The following HIP1R variants were observed in gnomAD, a reference collection of about 807,000 sequenced individuals.
HIP1R encodes huntingtin interacting protein 1 related.
HIP1R carries 135 observed loss-of-function variants against 144.2 expected under a neutral mutation model. The observed-to-expected ratio is 0.94, with a 90% CI of 0.81 to 1.08. The LOEUF is 1.08. Ranked by LOEUF, HIP1R falls within the 50% of genes least tolerant of loss-of-function variation. The pLI, the probability that HIP1R is intolerant of heterozygous loss-of-function variation, is 0.00. For synonymous variants in HIP1R, 698 were observed against 612.8 expected, an observed-to-expected ratio of 1.14 and a Z score of -2.05; for missense variants, 1,462 against 1,432.8, an observed-to-expected ratio of 1.02 and a Z score of -0.33.
At chr12:122,838,724 T>G (rs956914595) in intron 1 of HIP1R, among the ~76,000 whole-genome samples, 4 of 152,212 alleles carry the variant, frequency 2.6e-5, no homozygotes, top group Admixed American at 6.5e-5. Flanking sequence ...GATGGGGCGA[T>G]TCTCCTGGGC....
At chr12:122,850,125 C>T (rs2033331355) in intron 5 of HIP1R, 170 bp downstream of exon 5, 1 of 701,296 alleles carries the variant, frequency 1.4e-6, no homozygotes, top group Non-Finnish European at 2.6e-6. Flanking sequence ...GCCAGGGCAT[C>T]ACGAAGCTCC....
In HIP1R at chr12:122,855,069, C is replaced by A; in HGVS notation, c.793C>A (p.Arg265Ser). ...EQFHSLRNFF[R>S]RASDMLYFKR... ...TCTCTGCAGCCTCAGGAACTTCTTC[C>A]GCAGAGCCTCCGACATGCTGTACTT... The change falls in exon 10 of 32, where the codon CGC becomes AGC. Residue 265 changes from arginine (R) to serine (S), a missense_variant. Around this residue, in one of 2 missense-constraint regions of HIP1R, gnomAD observed 350 missense variants for 421.1 expected, o/e 0.83. Coordinates refer to ENST00000253083, the MANE Select transcript of HIP1R (RefSeq NM_003959.3). 6.2e-7 allele frequency: 1 copy of A among 1,613,894 alleles called. No individual in the cohort carries two copies. The highest frequency in any genetic ancestry group is 8.5e-7 in the Non-Finnish European group (1 of 1,180,006).
At chr12:122,848,949 G>A in intron 4 of HIP1R, 97 bp downstream of exon 4, 2 of 1,297,674 alleles carry the variant, frequency 1.5e-6, no homozygotes, top group Non-Finnish European at 1.1e-6. Flanking sequence ...GTTCCCTGCG[G>A]GTGGCTGGGT....
rs577461642 is a variant in HIP1R, at chr12:122,860,132, G to A, written c.2497-16G>A. 3.8e-6 allele frequency: 6 copies of A among 1,589,426 alleles called. No individual in the cohort carries two copies. In the East Asian group the frequency reaches 1.3e-4, roughly 36 times the overall value. Reference sequence around the variant, plus strand: ...ACCTGGAGGGCCACCAGTCATTGCTGTCTTGGTCTCGGCAGGCTATCCGGC... The same window carrying A: ...ACCTGGAGGGCCACCAGTCATTGCTATCTTGGTCTCGGCAGGCTATCCGGC... On this transcript the variant is annotated splice_polypyrimidine_tract_variant and intron_variant, in intron 25 of 31. Coordinates refer to ENST00000253083, the MANE Select transcript of HIP1R (RefSeq NM_003959.3).
At position 122,835,563 on chromosome 12, in the gene HIP1R, A is replaced by T; in HGVS notation, c.13A>T (p.Lys5Ter). 1 of 1,345,658 alleles carries T rather than the reference A, an allele frequency of 7.4e-7. No individual in the cohort carries two copies. The allele number at this position is 1,345,658 out of a possible 1,614,324, so 83.4% of individuals were successfully genotyped here. MNSI[K>*]NVPARVLSRR... is the part of the protein sequence containing the mutation. ...CGGCGGCGGCAGGATGAACAGCATCAAGAACGTGCCGGCGCGGGTGCTGAG... is the reference window on the plus strand; with the variant it reads ...CGGCGGCGGCAGGATGAACAGCATCTAGAACGTGCCGGCGCGGGTGCTGAG... Residue 5 changes from lysine to a stop codon, truncating the protein, a stop_gained, in exon 1 of 32, where the codon AAG becomes TAG. Transcript: ENST00000253083. LOFTEE classifies it high-confidence loss of function.
chr12:122,858,305 T>G (rs1593888065), intron 19 of HIP1R, 44 bp from the exon 20 acceptor site: 1 of 1,590,028 alleles, frequency 6.3e-7, no homozygotes, highest in Non-Finnish European at 8.6e-7. Flanking sequence ...TCCCCAGCCC[T>G]GAGCAGCGGG....
intron 1 of HIP1R, among the ~76,000 whole-genome samples, chr12:122,842,105 A>G (rs761549158): frequency 5.9e-5 from 9 of 152,150 alleles, no homozygotes; most frequent in Non-Finnish European, 1.0e-4. Context: ...TGCTCTGTCA[A>G]TGGCCTTTGA....
At chr12:122,834,905 A>C (rs779079264), upstream of HIP1R, 13 of 1,266,618 alleles carry the variant, frequency 1.0e-5, no homozygotes, top group Non-Finnish European at 1.3e-5. Context: ...CATTAAGACC[A>C]AAAAGGAAAA....
Position 122,862,568 on chromosome 12 carries a change from T to C in HIP1R, c.*815T>C, listed in dbSNP as rs1387913764. On this transcript the variant is annotated 3_prime_UTR_variant, in exon 32 of 32. Transcript: ENST00000253083. The stretch of plus-strand genomic sequence containing the variant: ...GTTTCCAGCCCTCCGGAGAGTGGGC[T>C]TGGCCCTAGGCCCTCCAGCTCAGCC... The C allele has an allele frequency of 6.6e-6, 1 of 152,268 alleles. No individual in the cohort carries two copies. Among genetic ancestry groups the C allele is most frequent in the Non-Finnish European group, 1.5e-5 (1 of 68,082 alleles). The allele number at this position is 152,268 out of a possible 1,614,324, so 9.4% of individuals were successfully genotyped here.
chr12:122,861,879 GTCC>G lies in HIP1R; in HGVS notation c.*129_*131del. The stretch of plus-strand genomic sequence containing the variant: ...CTCCCGCCCCACCGTCTGGATCAAT[GTCC>G]TCAAGGCCCCTGGCCCTTACTGAGC... On this transcript the variant is annotated 3_prime_UTR_variant, in exon 32 of 32. Coordinates refer to ENST00000253083, the MANE Select transcript of HIP1R (RefSeq NM_003959.3). 1.2e-6 allele frequency: 1 copy of G among 839,932 alleles called. No individual in the cohort carries two copies. Among genetic ancestry groups the G allele is most frequent in the Non-Finnish European group, 1.9e-6 (1 of 529,336 alleles). The allele number at this position is 839,932 out of a possible 1,614,324, so 52.0% of individuals were successfully genotyped here.
chr12:122,856,911 T>A, intron 17 of HIP1R, 110 bp from the exon 18 acceptor site: 1 of 1,151,534 alleles, frequency 8.7e-7, no homozygotes. Context: ...GAGCCCTGAG[T>A]CTAATGGAAG....
chr12:122,851,511 A>C (rs1360144141), intron 7 of HIP1R, among the ~76,000 whole-genome samples: 1 of 152,044 alleles, frequency 6.6e-6, no homozygotes, highest in South Asian at 2.1e-4. Flanking sequence ...CAGCCTGGCC[A>C]ACATGGTGAA....
rs565903214 is a variant in HIP1R, at chr12:122,862,073, C to T, written c.*320C>T. On this transcript the variant is annotated 3_prime_UTR_variant, in exon 32 of 32. Coordinates refer to ENST00000253083, the MANE Select transcript of HIP1R (RefSeq NM_003959.3). ...TCAGAAAATAGTGTTTTTAATATTC[C>T]GAGCTAGAGCTCTTCTTCCTACGTT... 10 of 329,802 alleles carry T rather than the reference C, an allele frequency of 3.0e-5. No homozygotes were observed. Among genetic ancestry groups the T allele is most frequent in the Non-Finnish European group, 4.4e-5 (8 of 181,342 alleles). 20.4% of individuals were successfully genotyped at this position (329,802 alleles called of 1,614,324 possible). A position where few individuals can be genotyped will look rare whatever the true frequency, so the allele number is the denominator to read the frequency against.
Position 122,861,826 on chromosome 12 carries a change from G to GC in HIP1R, c.*75dup. On this transcript the variant is annotated 3_prime_UTR_variant, in exon 32 of 32. Coordinates refer to ENST00000253083, the MANE Select transcript of HIP1R (RefSeq NM_003959.3). ...GCAACTGCCCTGACAGGACCGAGAG[G>GC]CCTTGCCCCTCCACCTGGTGCCCAA... is the stretch of plus-strand genomic sequence containing the variant. 1 of 1,433,626 alleles carries GC rather than the reference G, an allele frequency of 7.0e-7. No individual in the cohort carries two copies. 88.8% of individuals were successfully genotyped at this position (1,433,626 alleles called of 1,614,324 possible). A position where few individuals can be genotyped will look rare whatever the true frequency, so the allele number is the denominator to read the frequency against.
rs1469792831 is a variant in HIP1R at position 122,861,412 on chromosome 12, AGAG to A, written c.3062_3064del (p.Glu1021del). 5 of 1,613,386 alleles carry A rather than the reference AGAG, an allele frequency of 3.1e-6. No homozygotes were observed. The highest frequency in any genetic ancestry group is 4.2e-6 in the Non-Finnish European group (5 of 1,179,854). ...TGGCTGGGGCATCAGGCAGCCCTGG[AGAG>A]GAGGTGGCCATCCGGCCCAGCACTG... On this transcript the variant is annotated inframe_deletion, in exon 31 of 32. Transcript: ENST00000253083.
In HIP1R at chr12:122,854,035, T is replaced by G. The variant is rs116797926; in HGVS notation, c.578-8T>G. On this transcript the variant is annotated splice_region_variant and splice_polypyrimidine_tract_variant and intron_variant, in intron 7 of 31. Transcript: ENST00000253083. ...GCTCACGTTCTTCCTCCTGCCCCTT[T>G]TGCACAGTTTTCCGACAGCTCAACA... 3 of 1,612,890 alleles carry G rather than the reference T, an allele frequency of 1.9e-6. No individual in the cohort carries two copies. The Admixed American group carries it at 5.0e-5, about 27-fold the overall frequency.
At chr12:122,835,674 CGGCGGCG>C in intron 1 of HIP1R, 31 bp downstream of exon 1, 1 of 963,608 alleles carries the variant, frequency 1.0e-6, no homozygotes, top group South Asian at 4.5e-5. Flanking sequence ...GGGCGGCGGG[CGGCGGCG>C]GGCGGGCGGG....
At chr12:122,850,777 C>G (rs1198833637) in intron 5 of HIP1R, 58 bp from the exon 6 acceptor site, 4 of 1,333,754 alleles carry the variant, frequency 3.0e-6, no homozygotes. Context: ...GGTTCGGTGG[C>G]CGCCAGGTGT....
Position 122,854,939 on chromosome 12 carries a change from C to G in HIP1R, c.753C>G (p.Asp251Glu). ...CGGACACCCTGCAAGGCCACAGGGA[C>G]CGGTTCCACGAGCAGTTTCACAGGT... Reference protein sequence around the residue: ...LPADTLQGHRDRFHEQFHSLR... With the variant: ...LPADTLQGHRERFHEQFHSLR... Residue 251 changes from aspartate (D) to glutamate (E), a missense_variant, in exon 9 of 32, where the codon GAC becomes GAG. Asp to Glu is a conservative substitution (Grantham distance 45). This residue lies in a region of HIP1R where 350 missense variants were observed against 421.1 expected (regional missense o/e 0.83). Coordinates refer to ENST00000253083, the MANE Select transcript of HIP1R (RefSeq NM_003959.3). 3 of 1,612,332 alleles carry G rather than the reference C, an allele frequency of 1.9e-6. No individual in the cohort carries two copies. The highest frequency in any genetic ancestry group is 2.5e-6 in the Non-Finnish European group (3 of 1,179,496).
Sources: allele counts gnomAD v4.1 joint callset (sites outside exome capture counted in the v4.1 genomes callset), GRCh38; gene constraint gnomAD v4.1.1; regional missense constraint gnomAD v4.1.1; transcripts MANE v1.5; gene names NCBI Gene and HGNC (gene_info 2026-07-23, HGNC 2026-07-21).